Variants in PCDHGB3 observed in about 807,000 individuals in gnomAD.
The protein encoded by PCDHGB3 is protocadherin gamma subfamily B, 3.
PCDHGB3 carries 40 observed loss-of-function variants against 59.2 expected under a neutral mutation model. The ratio of observed to expected loss-of-function variants is 0.68; its 90% CI spans 0.52 to 0.88. PCDHGB3 has a LOEUF of 0.88. Among genes scored for constraint, PCDHGB3 ranks in the 40% least tolerant of loss-of-function variants. The pLI is 0.00. For missense variants in PCDHGB3, 1,309 were observed against 1,187.9 expected (o/e 1.10, Z -1.50); for synonymous variants, 581 against 503.6 (o/e 1.15, Z -2.06).
In PCDHGB3 at chr5:141,438,621, TATATATATATATATACACAC is replaced by T. The variant is rs1185208192; in HGVS notation, c.2416-56184_2416-56165del. Among the ~76,000 whole-genome samples, 212 of 41,372 alleles carry T rather than the reference TATATATATATATATACACAC, an allele frequency of 5.1e-3. 1 individual carries two copies. The highest frequency in any genetic ancestry group is 0.03 in the African/African-American group (177 of 5,808). 27.1% of individuals were successfully genotyped at this position (41,372 alleles called of 152,430 possible). On this transcript the variant is annotated intron_variant, in intron 1 of 3. Transcript: ENST00000576222. ...ATATATATATATATATATATATATA[TATATATATATATATACACAC>T]ACACACACACATATATGTATATATA...
rs1233637152 is a variant in PCDHGB3 at position 141,432,543 on chromosome 5, A to G, written c.2415+59734A>G. ...CTGGTGACCAAGGTGGTGGCGGTGGACAGAGACTCCGGCCAGAACGCCTGG... is the reference window on the plus strand; with the variant it reads ...CTGGTGACCAAGGTGGTGGCGGTGGGCAGAGACTCCGGCCAGAACGCCTGG... On this transcript the variant is annotated intron_variant, in intron 1 of 3. Transcript: ENST00000576222. This position sits in a 1 kb window ranked among gnomAD's most constrained non-coding sequence, Gnocchi z 6.0. 3 of 1,613,678 alleles carry G rather than the reference A, an allele frequency of 1.9e-6. No individual in the cohort carries two copies. In the African/African-American group the frequency reaches 4.0e-5, roughly 22 times the overall value.
At chr5:141,456,453 A>G (rs1395554812) in intron 1 of PCDHGB3, among the ~76,000 whole-genome samples, 1 of 152,190 alleles carries the variant, frequency 6.6e-6, no homozygotes, top group Non-Finnish European at 1.5e-5. Flanking sequence ...GAGTCCAAAT[A>G]TCAATACAAG....
At position 141,477,965 on chromosome 5, in the gene PCDHGB3, A is replaced by G. The variant is rs1415974296; in HGVS notation, c.2416-16842A>G. On this transcript the variant is annotated intron_variant, in intron 1 of 3. Coordinates refer to ENST00000576222, the MANE Select transcript of PCDHGB3 (RefSeq NM_018924.5). This position sits in a 1 kb window ranked among gnomAD's most constrained non-coding sequence, Gnocchi z 4.9. ...CAGTCTCTTGGGATCCCCTAACCAGAGCCTTTTTGCCATAGGGCTGCACAC... is the reference window on the plus strand; with the variant it reads ...CAGTCTCTTGGGATCCCCTAACCAGGGCCTTTTTGCCATAGGGCTGCACAC... 4 of 1,614,030 alleles carry G rather than the reference A, an allele frequency of 2.5e-6. No individual in the cohort carries two copies. In the Middle Eastern group the frequency reaches 4.9e-4, roughly 200 times the overall value.
intron 1 of PCDHGB3, among the ~76,000 whole-genome samples, chr5:141,448,581 T>A (rs570781751): frequency 2.0e-5 from 3 of 152,274 alleles, no homozygotes; most frequent in African/African-American, 7.2e-5. Context: ...CCATTTTTTT[T>A]ACAAAAAGAT....
At position 141,476,453 on chromosome 5, in the gene PCDHGB3, G is replaced by A. The variant is rs1432113874; in HGVS notation, c.2416-18354G>A. 3 of 1,614,138 alleles carry A rather than the reference G, an allele frequency of 1.9e-6. No individual in the cohort carries two copies. The East Asian group carries it at 6.7e-5, about 36-fold the overall frequency. ...CACTGTAACTCTGGAGTTGGTAGTG[G>A]AGAACCCGCTGGAGCTGTTCAGCGT... On this transcript the variant is annotated intron_variant, in intron 1 of 3. Transcript: ENST00000576222. The surrounding 1 kb of genome is among the most constrained non-coding windows in gnomAD (Gnocchi z 7.6).
chr5:141,485,682 A>G lies in PCDHGB3; in HGVS notation c.2416-9125A>G, dbSNP rs779441999. Reference sequence around the variant, plus strand: ...GTGGGGAGCAATTCGATTAGCAGCTATAGGCTGAGCTCCAATGAACACTTT... The same window carrying G: ...GTGGGGAGCAATTCGATTAGCAGCTGTAGGCTGAGCTCCAATGAACACTTT... On this transcript the variant is annotated intron_variant, in intron 1 of 3. Coordinates refer to ENST00000576222, the MANE Select transcript of PCDHGB3 (RefSeq NM_018924.5). This position sits in a 1 kb window ranked among gnomAD's most constrained non-coding sequence, Gnocchi z 5.7. 6.2e-7 allele frequency: 1 copy of G among 1,614,076 alleles called. No homozygotes were observed. Among genetic ancestry groups the G allele is most frequent in the Non-Finnish European group, 8.5e-7 (1 of 1,179,964 alleles).
intron 1 of PCDHGB3, among the ~76,000 whole-genome samples, chr5:141,405,825 A>G (rs184785482): frequency 1.1e-3 from 172 of 152,272 alleles, no homozygotes; most frequent in Non-Finnish European, 1.9e-3. Context: ...TCTGTACTTA[A>G]GGTAGTATAA....
At chr5:141,382,483 A>G (rs1778240323) in intron 1 of PCDHGB3, among the ~76,000 whole-genome samples, 1 of 152,250 alleles carries the variant, frequency 6.6e-6, no homozygotes, top group Non-Finnish European at 1.5e-5. Context: ...TAAGATTATC[A>G]AACACCGGTC....
At chr5:141,399,692 G>A (rs780007896) in intron 1 of PCDHGB3, 2 of 1,613,318 alleles carry the variant, frequency 1.2e-6, no homozygotes, top group Middle Eastern at 1.7e-4. Flanking sequence ...GAGCAGCTGC[G>A]CACCTTCGAA....
In PCDHGB3 at chr5:141,385,425, T is replaced by C; in HGVS notation, c.2415+12616T>C. On this transcript the variant is annotated intron_variant, in intron 1 of 3. Coordinates refer to ENST00000576222, the MANE Select transcript of PCDHGB3 (RefSeq NM_018924.5). The stretch of plus-strand genomic sequence containing the variant: ...TTTTGAAAATAGGGATTTAAAAAAC[T>C]TTATAGAGGTAAAAATGAGTTTACC... The C allele has an allele frequency of 2.7e-6, 4 of 1,460,336 alleles. No individual in the cohort carries two copies. The South Asian group carries it at 4.4e-5, about 16-fold the overall frequency. The allele number at this position is 1,460,336 out of a possible 1,614,324, so 90.5% of individuals were successfully genotyped here. A position where few individuals can be genotyped will look rare whatever the true frequency, so the allele number is the denominator to read the frequency against.
chr5:141,382,534 T>G (rs1284471897), intron 1 of PCDHGB3, among the ~76,000 whole-genome samples: 1 of 152,218 alleles, frequency 6.6e-6, no homozygotes, highest in Non-Finnish European at 1.5e-5. Context: ...TAAAATGGAT[T>G]TTTAATTATC....
In PCDHGB3 at chr5:141,432,927, G is replaced by T. The variant is rs774982939; in HGVS notation, c.2415+60118G>T. ...AGGCTGCGGCGCTGGCACAAGTCAC[G>T]CCTGCTGCAGGCTTCAGGAGGCGGC... is the stretch of plus-strand genomic sequence containing the variant. On this transcript the variant is annotated intron_variant, in intron 1 of 3. Coordinates refer to ENST00000576222, the MANE Select transcript of PCDHGB3 (RefSeq NM_018924.5). This position sits in a 1 kb window ranked among gnomAD's most constrained non-coding sequence, Gnocchi z 6.0. 1.9e-6 allele frequency: 3 copies of T among 1,614,162 alleles called. No homozygotes were observed. In the Admixed American group the frequency reaches 5.0e-5, roughly 27 times the overall value.
rs1193465269 is a variant in PCDHGB3 at position 141,467,055 on chromosome 5, C to CT, written c.2416-27736dup. Among the ~76,000 whole-genome samples, 814 of 134,448 alleles carry CT rather than the reference C, an allele frequency of 6.1e-3. 10 individuals carry two copies. Among genetic ancestry groups the CT allele is most frequent in the African/African-American group, 0.018 (656 of 36,920 alleles). The allele number at this position is 134,448 out of a possible 152,430, so 88.2% of individuals were successfully genotyped here. A position where few individuals can be genotyped will look rare whatever the true frequency, so the allele number is the denominator to read the frequency against. Reference sequence around the variant, plus strand: ...TTTTTGTGTAATGAATCAATGTTTTCTTTTTTTTTTTTTTTTAGACCAAGT... The same window carrying CT: ...TTTTTGTGTAATGAATCAATGTTTTCTTTTTTTTTTTTTTTTTAGACCAAGT... On this transcript the variant is annotated intron_variant, in intron 1 of 3. Coordinates refer to ENST00000576222, the MANE Select transcript of PCDHGB3 (RefSeq NM_018924.5).
intron 1 of PCDHGB3, chr5:141,383,705 T>A: frequency 1.2e-6 from 2 of 1,614,020 alleles, no homozygotes; most frequent in Non-Finnish European, 1.7e-6. Flanking sequence ...GCTATCGACC[T>A]GGACGAGGGA....
rs758579068 is a variant in PCDHGB3, at chr5:141,485,232, T to C, written c.2416-9575T>C. 6.2e-7 allele frequency: 1 copy of C among 1,614,136 alleles called. No individual in the cohort carries two copies. The highest frequency in any genetic ancestry group is 8.5e-7 in the Non-Finnish European group (1 of 1,180,016). Reference sequence around the variant, plus strand: ...TGGCGGTGGGCTACCCTTTTGTTCCTCTTTTACCACCTGGGTTACGTTTGT... The same window carrying C: ...TGGCGGTGGGCTACCCTTTTGTTCCCCTTTTACCACCTGGGTTACGTTTGT... On this transcript the variant is annotated intron_variant, in intron 1 of 3. Coordinates refer to ENST00000576222, the MANE Select transcript of PCDHGB3 (RefSeq NM_018924.5). This position sits in a 1 kb window ranked among gnomAD's most constrained non-coding sequence, Gnocchi z 5.7.
intron 1 of PCDHGB3, chr5:141,422,687 T>C: frequency 6.2e-7 from 1 of 1,604,936 alleles, no homozygotes; most frequent in Non-Finnish European, 8.5e-7. Flanking sequence ...CAGAATGCCC[T>C]GGTCACTTAC....
intron 1 of PCDHGB3, among the ~76,000 whole-genome samples, chr5:141,481,126 A>G (rs2099532217): frequency 6.6e-6 from 1 of 152,222 alleles, no homozygotes. Context: ...CATTTAGCAT[A>G]TTTGTGAAGT....
At chr5:141,379,889 C>CTTTATTTTTTTTTTTTTTTTTTTTTTTT (rs1775940253) in intron 1 of PCDHGB3, among the ~76,000 whole-genome samples, 1 of 50,830 alleles carries the variant, frequency 2.0e-5, no homozygotes, top group Non-Finnish European at 3.9e-5. Flanking sequence ...GTGAAAGCCT[C>CTTTATTTTTTTTTTTTTTTTTTTTTTTT]TTTTTTTTTT....
chr5:141,477,253 G>A lies in PCDHGB3; in HGVS notation c.2416-17554G>A, dbSNP rs1303718568. The A allele has an allele frequency of 1.9e-6, 3 of 1,614,154 alleles. No individual in the cohort carries two copies. The highest frequency in any genetic ancestry group is 2.2e-5 in the South Asian group (2 of 91,070). Reference sequence around the variant, plus strand: ...TCGCTTTGCTCAGTGTGACTGACCTGGATGCTGGCGAGAACGGGCTGGTGA... The same window carrying A: ...TCGCTTTGCTCAGTGTGACTGACCTAGATGCTGGCGAGAACGGGCTGGTGA... On this transcript the variant is annotated intron_variant, in intron 1 of 3. Transcript: ENST00000576222. This position sits in a 1 kb window ranked among gnomAD's most constrained non-coding sequence, Gnocchi z 4.9.
Sources: gnomAD v4.1 joint callset for allele counts (sites outside exome capture counted in the v4.1 genomes callset) on GRCh38, gnomAD v4.1.1 for gene constraint, Gnocchi (gnomAD v3.1) non-coding constraint, MANE v1.5 for transcripts, NCBI Gene and HGNC (gene_info 2026-07-23, HGNC 2026-07-21) for gene names.